PDIA5: variants seen among roughly 807,000 people sequenced by gnomAD.
PDIA5 encodes the protein protein disulfide-isomerase A5.
Under a neutral mutation model 77.6 loss-of-function variants are expected in PDIA5, and 58 were observed. The ratio of observed to expected loss-of-function variants is 0.75; its 90% CI spans 0.61 to 0.93. PDIA5 has a LOEUF of 0.93. PDIA5 is among the 40% of genes least tolerant of loss of function. PDIA5 has a pLI of 0.00. For synonymous variants in PDIA5, 250 were observed against 252.1 expected (o/e 0.99, Z 0.08); for missense variants, 630 against 647.7 (o/e 0.97, Z 0.30).
chr3:123,086,303 C>A (rs998962040), intron 1 of PDIA5, among the ~76,000 whole-genome samples: 2 of 152,184 alleles, frequency 1.3e-5, no homozygotes, highest in African/African-American at 4.8e-5. Flanking sequence ...AGGGAAGTAT[C>A]ATTATCTGTA....
intron 5 of PDIA5, among the ~76,000 whole-genome samples, chr3:123,106,105 A>G (rs1412466034): frequency 6.6e-6 from 1 of 152,254 alleles, no homozygotes; most frequent in East Asian, 1.9e-4. Context: ...GAGGGGCCCC[A>G]GCATGAGAAG....
At chr3:123,124,525 G>T (rs908474470) in intron 10 of PDIA5, among the ~76,000 whole-genome samples, 182 bp downstream of exon 10, 7 of 152,182 alleles carry the variant, frequency 4.6e-5, no homozygotes, top group African/African-American at 1.7e-4. Context: ...GGGAATTTAG[G>T]TTGCAGGAGC....
chr3:123,099,440 C>T (rs191564788), intron 3 of PDIA5, among the ~76,000 whole-genome samples: 1 of 152,312 alleles, frequency 6.6e-6, no homozygotes, highest in Admixed American at 6.5e-5. Flanking sequence ...TCAGATGGGA[C>T]AGGAAGCCTC....
intron 1 of PDIA5, among the ~76,000 whole-genome samples, chr3:123,068,394 C>A (rs1010670888): frequency 1.3e-5 from 2 of 152,172 alleles, no homozygotes; most frequent in Non-Finnish European, 2.9e-5. Flanking sequence ...GGAAAGAAGC[C>A]CCCTGTTCTC....
intron 2 of PDIA5, among the ~76,000 whole-genome samples, chr3:123,091,671 A>G (rs1371958726): frequency 1.3e-5 from 2 of 152,170 alleles, no homozygotes; most frequent in Non-Finnish European, 2.9e-5. Flanking sequence ...TCCTGTCCCA[A>G]GGCATGGTCC....
At position 123,150,241 on chromosome 3, in the gene PDIA5, GC is replaced by G. The variant is rs766425459; in HGVS notation, c.1157del (p.Pro386ArgfsTer26). 1.1e-5 allele frequency: 17 copies of G among 1,610,660 alleles called. No individual in the cohort carries two copies. Among genetic ancestry groups the G allele is most frequent in the African/African-American group, 2.7e-5 (2 of 74,712 alleles). On this transcript the variant is annotated frameshift_variant, in exon 14 of 17. Transcript: ENST00000316218. LOFTEE classifies it high-confidence loss of function. ...TCCCCTGGCTTCTTGCAGCCCTGAG[GC>G]CCCCCCGCCCCCAGAGCCCACGTGG... is the stretch of plus-strand genomic sequence containing the variant. ...KFLEWMQNPE[A>X]PPPPEPTWEE...
At chr3:123,160,185 T>C (rs3856615) in intron 15 of PDIA5, among the ~76,000 whole-genome samples, 4,516 of 152,246 alleles carry the variant, frequency 0.03, 223 homozygotes, top group African/African-American at 0.1. Flanking sequence ...GGAGGACTCA[T>C]TCTCATGGGA....
At chr3:123,126,202 T>C (rs1935242639) in intron 10 of PDIA5, among the ~76,000 whole-genome samples, 1 of 152,100 alleles carries the variant, frequency 6.6e-6, no homozygotes, top group South Asian at 2.1e-4. Flanking sequence ...TGGAGCCTCC[T>C]ACTCCATCCT....
At position 123,150,296 on chromosome 3, in the gene PDIA5, T is replaced by C. The variant is rs1345120214; in HGVS notation, c.1205T>C (p.Leu402Pro). 1 of 1,612,092 alleles carries C rather than the reference T, an allele frequency of 6.2e-7. No individual in the cohort carries two copies. The highest frequency in any genetic ancestry group is 8.5e-7 in the Non-Finnish European group (1 of 1,178,818). Reference protein sequence around the residue: ...WEEQQTSVLHLVGDNFRETLK... With the variant: ...WEEQQTSVLHPVGDNFRETLK... ...GAGCAGCAGACAAGCGTGTTGCACC[T>C]GGTGGGGGACAACTTCCGGGAGACC... Residue 402 changes from leucine (L) to proline (P), a missense_variant, in exon 14 of 17, where the codon CTG becomes CCG. By Grantham distance (98) the Leu-to-Pro change is moderately conservative. Coordinates refer to ENST00000316218, the MANE Select transcript of PDIA5 (RefSeq NM_006810.4).
intron 3 of PDIA5, among the ~76,000 whole-genome samples, chr3:123,098,023 G>A (rs1327782358): frequency 6.6e-6 from 1 of 152,190 alleles, no homozygotes; most frequent in African/African-American, 2.4e-5. Context: ...ATCTGGTTGG[G>A]AGGCGAGGAG....
chr3:123,134,870 G>T (rs189805512), intron 11 of PDIA5, among the ~76,000 whole-genome samples: 4 of 152,306 alleles, frequency 2.6e-5, no homozygotes, highest in Admixed American at 6.5e-5. Flanking sequence ...GTGAGCAGAG[G>T]GCTCTGAGAG....
chr3:123,123,527 C>G (rs140227371), intron 8 of PDIA5, among the ~76,000 whole-genome samples: 1 of 152,240 alleles, frequency 6.6e-6, no homozygotes, highest in East Asian at 1.9e-4. Context: ...GCCTCCCTGG[C>G]CACATATAAG....
At chr3:123,140,646 C>G (rs1361851579) in intron 11 of PDIA5, among the ~76,000 whole-genome samples, 4 of 151,926 alleles carry the variant, frequency 2.6e-5, no homozygotes, top group Admixed American at 6.6e-5. Flanking sequence ...TGGTGATGGC[C>G]CTGGGGGATT....
At chr3:123,093,151 G>C (rs145891176) in intron 3 of PDIA5, among the ~76,000 whole-genome samples, 1 of 152,286 alleles carries the variant, frequency 6.6e-6, no homozygotes, top group Non-Finnish European at 1.5e-5. Context: ...ATGACCTCAA[G>C]TTTGTTCTGC....
chr3:123,160,553 C>T (rs1190521238), intron 15 of PDIA5, among the ~76,000 whole-genome samples: 1 of 152,224 alleles, frequency 6.6e-6, no homozygotes, highest in African/African-American at 2.4e-5. Context: ...CACCTGGCAC[C>T]TGGACCACCT....
intron 16 of PDIA5, 52 bp downstream of exon 16, chr3:123,161,507 G>A (rs1230333449): frequency 4.4e-6 from 7 of 1,582,156 alleles, no homozygotes; most frequent in Non-Finnish European, 5.2e-6. Flanking sequence ...TGATGGGCAG[G>A]GAAACTTCCA....
chr3:123,140,884 G>A (rs1245363198), intron 11 of PDIA5, among the ~76,000 whole-genome samples: 1 of 152,224 alleles, frequency 6.6e-6, no homozygotes, highest in East Asian at 1.9e-4. Context: ...ACCCCAGCTG[G>A]CTTCCCATGC....
At chr3:123,141,026 G>A (rs570532432) in intron 11 of PDIA5, among the ~76,000 whole-genome samples, 1 of 152,300 alleles carries the variant, frequency 6.6e-6, no homozygotes, top group Admixed American at 6.5e-5. Flanking sequence ...ACCCTGGCAG[G>A]GCAGTGGCAT....
rs71623603 is a variant in PDIA5 at position 123,101,906 on chromosome 3, C to CTTTTTTTTTTTTTTTTT, written c.258-500_258-484dup. On this transcript the variant is annotated intron_variant, in intron 3 of 16. Coordinates refer to ENST00000316218, the MANE Select transcript of PDIA5 (RefSeq NM_006810.4). Reference sequence around the variant, plus strand: ...TCCCCTTCCTTTCCTTTCTTTCTTGCTTTTTTTTTTTTTTTTTTTTTGAGA... The same window carrying CTTTTTTTTTTTTTTTTT: ...TCCCCTTCCTTTCCTTTCTTTCTTGCTTTTTTTTTTTTTTTTTTTTTTTTTTTTTTTTTTTTTTGAGA... 3.9e-4 allele frequency among the ~76,000 whole-genome samples: 28 copies of CTTTTTTTTTTTTTTTTT among 71,398 alleles called. 3 individuals carry two copies. The highest frequency in any genetic ancestry group is 1.0e-3 in the Admixed American group (4 of 3,834). The allele number at this position is 71,398 out of a possible 152,430, so 46.8% of individuals were successfully genotyped here. A position where few individuals can be genotyped will look rare whatever the true frequency, so the allele number is the denominator to read the frequency against.
Sources: allele counts gnomAD v4.1 joint callset (sites outside exome capture counted in the v4.1 genomes callset), GRCh38; gene constraint gnomAD v4.1.1; transcripts MANE v1.5; gene names NCBI Gene and HGNC (gene_info 2026-07-23, HGNC 2026-07-21).